Variants in GREB1L observed in about 807,000 individuals in gnomAD.
The protein encoded by GREB1L is GREB1-like protein.
In GREB1L, 17 loss-of-function variants were observed where a neutral mutation model predicts 200.8. The observed-to-expected ratio is 0.08, with a 90% CI of 0.06 to 0.13. The LOEUF is 0.13. GREB1L is among the 10% of genes least tolerant of loss of function. The pLI, the probability that GREB1L is intolerant of heterozygous loss-of-function variation, is 1.00. For synonymous variants in GREB1L, 789 were observed against 893.0 expected (o/e 0.88, Z 2.08); for missense variants, 1,657 against 2,367.7 (o/e 0.70, Z 6.23).
intron 1 of GREB1L, among the ~76,000 whole-genome samples, chr18:21,326,053 A>G (rs554299997): frequency 2.1e-3 from 312 of 152,140 alleles, no homozygotes; most frequent in Non-Finnish European, 3.5e-3. Context: ...AAATAAAACT[A>G]TTTACCAAAT....
chr18:21,434,393 T>TGAGGCAGGAGGC (rs1456328209), intron 7 of GREB1L, among the ~76,000 whole-genome samples: 2 of 151,732 alleles, frequency 1.3e-5, no homozygotes, highest in East Asian at 3.9e-4. Flanking sequence ...GGAGAATCTC[T>TGAGGCAGGAGGC]TGAACCCAGG....
chr18:21,477,134 G>A (rs372122876), intron 16 of GREB1L, 30 bp from the exon 17 acceptor site: 2 of 1,457,850 alleles, frequency 1.4e-6, no homozygotes, highest in Admixed American at 2.0e-5. Context: ...GTTAAATGAG[G>A]TATTAATATG....
At chr18:21,319,211 A>G (rs2038915949) in intron 1 of GREB1L, among the ~76,000 whole-genome samples, 1 of 152,192 alleles carries the variant, frequency 6.6e-6, no homozygotes, top group Non-Finnish European at 1.5e-5. Context: ...TCTCACGCCA[A>G]CCTCTTCCAT....
intron 1 of GREB1L, among the ~76,000 whole-genome samples, chr18:21,316,015 G>A (rs1422588042): frequency 6.6e-6 from 1 of 152,176 alleles, no homozygotes; most frequent in Non-Finnish European, 1.5e-5. Flanking sequence ...TGAGGAAGGA[G>A]GCTAAGCAGC....
intron 20 of GREB1L, 31 bp downstream of exon 20, chr18:21,495,816 A>C: frequency 3.3e-6 from 4 of 1,222,530 alleles, no homozygotes; most frequent in Non-Finnish European, 4.7e-6. Context: ...TCCATTTTTC[A>C]TCAGTTGCCC....
chr18:21,242,566 G>A (rs977240119), intron 1 of GREB1L, among the ~76,000 whole-genome samples, 173 bp downstream of exon 1: 5 of 152,154 alleles, frequency 3.3e-5, no homozygotes, highest in Non-Finnish European at 5.9e-5. Flanking sequence ...CAGCGGGGGT[G>A]TGAGCGGAGC....
chr18:21,350,306 C>A (rs984815627), intron 1 of GREB1L, among the ~76,000 whole-genome samples: 2 of 149,288 alleles, frequency 1.3e-5, no homozygotes, highest in African/African-American at 5.0e-5. Flanking sequence ...GGCGTGATCT[C>A]AGCTCACTGC....
chr18:21,399,520 G>A (rs1244183016), intron 5 of GREB1L, among the ~76,000 whole-genome samples: 1 of 152,152 alleles, frequency 6.6e-6, no homozygotes, highest in Middle Eastern at 3.4e-3. Flanking sequence ...TGGATAGATG[G>A]ATGGATGGAT....
chr18:21,378,149 A>T (rs2040152279), intron 2 of GREB1L, among the ~76,000 whole-genome samples: 2 of 152,204 alleles, frequency 1.3e-5, no homozygotes, highest in African/African-American at 4.8e-5. Flanking sequence ...CATCTCAGGC[A>T]TGGGGGCTCT....
At chr18:21,359,364 C>A (rs188574696) in intron 1 of GREB1L, among the ~76,000 whole-genome samples, 1 of 152,244 alleles carries the variant, frequency 6.6e-6, no homozygotes, top group Non-Finnish European at 1.5e-5. Context: ...GCAGGAGAAT[C>A]ATTTGAACCC....
intron 7 of GREB1L, among the ~76,000 whole-genome samples, chr18:21,427,536 G>T (rs1272665457): frequency 6.6e-6 from 1 of 151,980 alleles, no homozygotes; most frequent in Non-Finnish European, 1.5e-5. Context: ...ACCAACAATG[G>T]TTTGTAGTTT....
intron 1 of GREB1L, among the ~76,000 whole-genome samples, chr18:21,254,965 A>G (rs948585085): frequency 1.3e-5 from 2 of 152,208 alleles, no homozygotes; most frequent in Non-Finnish European, 2.9e-5. Context: ...TGGGATTACC[A>G]TAACTGATGT....
intron 1 of GREB1L, among the ~76,000 whole-genome samples, chr18:21,335,330 A>T (rs2039168004): frequency 6.6e-6 from 1 of 152,212 alleles, no homozygotes; most frequent in Admixed American, 6.5e-5. Context: ...TTATTTATTA[A>T]TAGCATATCA....
At chr18:21,322,774 G>C (rs745308428) in intron 1 of GREB1L, among the ~76,000 whole-genome samples, 1 of 152,152 alleles carries the variant, frequency 6.6e-6, no homozygotes, top group East Asian at 1.9e-4. Context: ...GAGGGGGAAA[G>C]ATACATTATT....
At chr18:21,391,173 G>T (rs555138142) in intron 4 of GREB1L, among the ~76,000 whole-genome samples, 2 of 152,286 alleles carry the variant, frequency 1.3e-5, no homozygotes, top group East Asian at 3.9e-4. Flanking sequence ...GCAACTTCCA[G>T]TCCTGCAAGC....
At chr18:21,279,847 G>A (rs563377037) in intron 1 of GREB1L, among the ~76,000 whole-genome samples, 2 of 152,082 alleles carry the variant, frequency 1.3e-5, no homozygotes, top group African/African-American at 4.8e-5. Context: ...GTACTTTATT[G>A]GTTGTTTTTT....
intron 1 of GREB1L, among the ~76,000 whole-genome samples, chr18:21,341,414 T>C (rs2039268021): frequency 2.0e-5 from 3 of 152,224 alleles, no homozygotes; most frequent in Admixed American, 1.3e-4. Flanking sequence ...ATTTCTGTAC[T>C]TCCCTTGTCC....
At chr18:21,431,758 GTTATGTTCATCT>G in intron 7 of GREB1L, among the ~76,000 whole-genome samples, 1 of 152,046 alleles carries the variant, frequency 6.6e-6, no homozygotes, top group Non-Finnish European at 1.5e-5. Flanking sequence ...TCTCCCTTCA[GTTATGTTCATCT>G]TTGCTTCATT....
chr18:21,293,528 A>T (rs898827422), intron 1 of GREB1L, among the ~76,000 whole-genome samples: 4 of 152,212 alleles, frequency 2.6e-5, no homozygotes, highest in Non-Finnish European at 4.4e-5. Context: ...TTAATTAAGC[A>T]CCATTTATTG....
Sources: gnomAD v4.1 joint callset for allele counts (sites outside exome capture counted in the v4.1 genomes callset) on GRCh38, gnomAD v4.1.1 for gene constraint, MANE v1.5 for transcripts, NCBI Gene and HGNC (gene_info 2026-07-23, HGNC 2026-07-21) for gene names.